Variants in LARP1 observed in about 807,000 individuals in gnomAD.
LARP1 encodes la-related protein 1.
In LARP1, 36 loss-of-function variants were observed where a neutral mutation model predicts 122.7. That is an observed-to-expected ratio of 0.29 (90% CI 0.22 to 0.39). LARP1 has a LOEUF of 0.39. Among genes scored for constraint, LARP1 ranks in the 10% least tolerant of loss-of-function variants. The pLI is 1.00. For synonymous variants in LARP1, 539 were observed against 528.7 expected, an observed-to-expected ratio of 1.02 and a Z score of -0.27; for missense variants, 1,040 against 1,403.6, an observed-to-expected ratio of 0.74 and a Z score of 4.14.
Position 154,809,731 on chromosome 5 carries a change from G to A in LARP1, c.2843+1128G>A, listed in dbSNP as rs1305131620. On this transcript the variant is annotated intron_variant, in intron 16 of 18. Coordinates refer to ENST00000518297, the MANE Select transcript of LARP1 (RefSeq NM_033551.3). Reference sequence around the variant, plus strand: ...TTTTTTTTTTTTGAGGTGGAGTCTCGCTCTGTCGCCCAGGCTGGAGTGCAG... The same window carrying A: ...TTTTTTTTTTTTGAGGTGGAGTCTCACTCTGTCGCCCAGGCTGGAGTGCAG... Among the ~76,000 whole-genome samples, 3 of 133,628 alleles carry A rather than the reference G, an allele frequency of 2.2e-5. No homozygotes were observed. In the Admixed American group the frequency reaches 2.5e-4, roughly 11 times the overall value. The allele number at this position is 133,628 out of a possible 152,430, so 87.7% of individuals were successfully genotyped here. A position where few individuals can be genotyped will look rare whatever the true frequency, so the allele number is the denominator to read the frequency against.
At chr5:154,805,814 G>GA in intron 14 of LARP1, 67 bp from the exon 15 acceptor site, 1 of 1,532,706 alleles carries the variant, frequency 6.5e-7, no homozygotes, top group Non-Finnish European at 8.9e-7. Flanking sequence ...GGATCAGAGG[G>GA]ACCCCTCCTG....
intron 1 of LARP1, among the ~76,000 whole-genome samples, chr5:154,772,589 AGGC>A (rs1220755693): frequency 6.6e-6 from 1 of 152,270 alleles, no homozygotes; most frequent in East Asian, 1.9e-4. Context: ...TTTGTAAATT[AGGC>A]GCAGTAAGAG....
At chr5:154,748,974 T>C (rs1258921373) in intron 1 of LARP1, among the ~76,000 whole-genome samples, 2 of 152,214 alleles carry the variant, frequency 1.3e-5, no homozygotes, top group African/African-American at 2.4e-5. Context: ...CCTAGCAGTA[T>C]CTGGTGCATT....
At chr5:154,690,857 A>G (rs1754164017) in intron 1 of LARP1, among the ~76,000 whole-genome samples, 1 of 152,232 alleles carries the variant, frequency 6.6e-6, no homozygotes, top group Non-Finnish European at 1.5e-5. Flanking sequence ...AAGAGGTAAA[A>G]TAGATATAAA....
At chr5:154,808,145 G>C (rs970522295) in intron 15 of LARP1, among the ~76,000 whole-genome samples, 1 of 152,198 alleles carries the variant, frequency 6.6e-6, no homozygotes, top group Non-Finnish European at 1.5e-5. Flanking sequence ...CAAACAATTT[G>C]TTCATGCCTT....
chr5:154,695,797 C>G (rs1754444675), intron 1 of LARP1, among the ~76,000 whole-genome samples: 1 of 151,066 alleles, frequency 6.6e-6, no homozygotes, highest in Non-Finnish European at 1.5e-5. Context: ...CCCTTGAACC[C>G]GGGAGGCAAA....
At chr5:154,795,423 A>G (rs1757671341) in intron 8 of LARP1, 104 bp downstream of exon 8, 1 of 1,178,926 alleles carries the variant, frequency 8.5e-7, no homozygotes, top group African/African-American at 1.5e-5. Flanking sequence ...TCATCTGATG[A>G]CTTCTGCTGA....
chr5:154,713,257 C>T, intron 1 of LARP1: 1 of 705,320 alleles, frequency 1.4e-6, no homozygotes, highest in East Asian at 2.7e-5. Flanking sequence ...GAGCGAGTCA[C>T]TCCAGCTCTC....
At chr5:154,727,015 A>G (rs1334070550) in intron 1 of LARP1, among the ~76,000 whole-genome samples, 1 of 152,234 alleles carries the variant, frequency 6.6e-6, no homozygotes, top group Admixed American at 6.5e-5. Flanking sequence ...GGATCATTAT[A>G]ATTCAAGGTG....
Position 154,803,765 on chromosome 5 carries a change from C to CT in LARP1, c.2439+21dup. On this transcript the variant is annotated intron_variant, in intron 13 of 18. Transcript: ENST00000518297. This position sits in a 1 kb window ranked among gnomAD's most constrained non-coding sequence, Gnocchi z 4.4. ...GCCAAGGTGAGGCATTCCTGTCGGG[C>CT]TGCTCAGAGTCTTGGGTCTACTTCA... 6.2e-7 allele frequency: 1 copy of CT among 1,609,278 alleles called. No homozygotes were observed. Among genetic ancestry groups the CT allele is most frequent in the Non-Finnish European group, 8.5e-7 (1 of 1,175,598 alleles).
chr5:154,786,068 G>A (rs912302840), intron 1 of LARP1, among the ~76,000 whole-genome samples: 3 of 151,898 alleles, frequency 2.0e-5, no homozygotes, highest in Non-Finnish European at 4.4e-5. Flanking sequence ...TTGAGATGGA[G>A]TTTCACTCTT....
At chr5:154,709,068 C>T (rs1561537716), upstream of LARP1, among the ~76,000 whole-genome samples, 3 of 152,210 alleles carry the variant, frequency 2.0e-5, no homozygotes, top group Non-Finnish European at 1.5e-5. Context: ...TATCCTCTGC[C>T]AGTTCATCAA....
intron 1 of LARP1, among the ~76,000 whole-genome samples, chr5:154,703,540 G>A (rs1016636961): frequency 6.6e-6 from 1 of 152,286 alleles, no homozygotes; most frequent in Middle Eastern, 3.4e-3. Flanking sequence ...CTTGAGCCCA[G>A]GAGTTCAAGG....
At position 154,792,661 on chromosome 5, in the gene LARP1, C is replaced by G. The variant is rs761619914; in HGVS notation, c.604C>G (p.Pro202Ala). 6.2e-7 allele frequency: 1 copy of G among 1,614,000 alleles called. No individual in the cohort carries two copies. Among genetic ancestry groups the G allele is most frequent in the South Asian group, 1.1e-5 (1 of 91,072 alleles). The stretch of plus-strand genomic sequence containing the variant: ...GCCTCAGCCTACCCGTAAACTGCCA[C>G]CCAAGAAGGACATGAAGGAACAGGA... ...HKPQPTRKLPPKKDMKEQEKG... is the reference protein window; with the variant it reads ...HKPQPTRKLPAKKDMKEQEKG... The change falls in exon 4 of 19, where the codon CCC becomes GCC. Residue 202 changes from proline (P) to alanine (A), a missense_variant. Coordinates refer to ENST00000518297, the MANE Select transcript of LARP1 (RefSeq NM_033551.3).
At chr5:154,719,184 C>T (rs1490145463) in intron 1 of LARP1, among the ~76,000 whole-genome samples, 2 of 152,208 alleles carry the variant, frequency 1.3e-5, no homozygotes, top group African/African-American at 4.8e-5. Flanking sequence ...TTGGCCTCTG[C>T]TCCACTTCTC....
intron 7 of LARP1, 114 bp downstream of exon 7, chr5:154,794,376 C>A: frequency 2.0e-6 from 2 of 981,226 alleles, no homozygotes; most frequent in South Asian, 1.8e-5. Flanking sequence ...CAGCCTCAGG[C>A]TGAAAAGATA....
intron 1 of LARP1, among the ~76,000 whole-genome samples, chr5:154,767,211 T>C (rs1054840190): frequency 6.6e-6 from 1 of 152,180 alleles, no homozygotes; most frequent in East Asian, 1.9e-4. Context: ...ATAGCTGGAG[T>C]GCCCACGTAC....
chr5:154,686,316 T>TC (rs1753940245), intron 1 of LARP1, among the ~76,000 whole-genome samples: 10 of 152,184 alleles, frequency 6.6e-5, no homozygotes, highest in Admixed American at 6.6e-4. Flanking sequence ...GAAGAGGTGG[T>TC]GTTTTGGCTG....
chr5:154,690,296 A>T (rs937555808), intron 1 of LARP1, among the ~76,000 whole-genome samples: 1 of 152,174 alleles, frequency 6.6e-6, no homozygotes, highest in African/African-American at 2.4e-5. Flanking sequence ...TGGAAGCAGC[A>T]GGTTTCATGT....
Sources: allele counts gnomAD v4.1 joint callset (sites outside exome capture counted in the v4.1 genomes callset), GRCh38; gene constraint gnomAD v4.1.1; non-coding constraint Gnocchi (gnomAD v3.1); transcripts MANE v1.5; gene names NCBI Gene and HGNC (gene_info 2026-07-23, HGNC 2026-07-21).